Variants in LARP1B observed in about 807,000 individuals in gnomAD.
LARP1B encodes la-related protein 1B.
A neutral mutation model predicts 114.2 loss-of-function variants in LARP1B; 76 were observed. The observed-to-expected ratio is 0.67, with a 90% CI of 0.55 to 0.81. LARP1B has a LOEUF of 0.81. Ranked by LOEUF, LARP1B falls within the 30% of genes least tolerant of loss-of-function variation. The pLI, the probability that LARP1B is intolerant of heterozygous loss-of-function variation, is 0.00. For missense variants in LARP1B, 1,014 were observed against 1,075.8 expected (o/e 0.94, Z 0.80); for synonymous variants, 345 against 348.0 (o/e 0.99, Z 0.10).
At chr4:128,088,017 CAA>C (rs1235611782) in intron 5 of LARP1B, among the ~76,000 whole-genome samples, 7 of 151,114 alleles carry the variant, frequency 4.6e-5, no homozygotes, top group African/African-American at 1.7e-4. Context: ...AGAAAATAGA[CAA>C]AGTTATACAG....
intron 11 of LARP1B, among the ~76,000 whole-genome samples, chr4:128,134,655 C>T (rs1792687073): frequency 6.6e-6 from 1 of 151,962 alleles, no homozygotes; most frequent in South Asian, 2.1e-4. Context: ...CAGTAGGCAA[C>T]CTATGGAATG....
In LARP1B at chr4:128,211,734, CT is replaced by C; in HGVS notation, c.*1686del. On this transcript the variant is annotated 3_prime_UTR_variant, in exon 20 of 20. Coordinates refer to ENST00000326639, the MANE Select transcript of LARP1B (RefSeq NM_018078.4). ...ATGATCATAAATTTTTCTCAGTGTC[CT>C]TTTTGTGTTGAACACATATATCTGA... 1 of 979,466 alleles carries C rather than the reference CT, an allele frequency of 1.0e-6. No individual in the cohort carries two copies. Among genetic ancestry groups the C allele is most frequent in the South Asian group, 4.7e-5 (1 of 21,130 alleles). 60.7% of individuals were successfully genotyped at this position (979,466 alleles called of 1,614,324 possible).
chr4:128,162,052 A>G (rs780106952), intron 11 of LARP1B, 142 bp from the exon 12 acceptor site: 24 of 637,358 alleles, frequency 3.8e-5, no homozygotes, highest in Non-Finnish European at 4.6e-5. Flanking sequence ...ATAATGCTAG[A>G]CTCTTTATTA....
At position 128,074,981 on chromosome 4, in the gene LARP1B, A is replaced by G. The variant is rs373475568; in HGVS notation, c.30A>G (p.Leu10=). The G allele has an allele frequency of 1.9e-6, 3 of 1,606,050 alleles. No homozygotes were observed. Among genetic ancestry groups the G allele is most frequent in the Non-Finnish European group, 2.6e-6 (3 of 1,173,046 alleles). MENWPTPSE[L]VNTGFQSVLS... is the part of the protein sequence containing the mutation. ...AGAATTGGCCAACACCAAGTGAATT[A>G]GTGAACACTGGAGTGAGTATTGTTT... Residue 10 remains leucine, a synonymous_variant, in exon 3 of 20, where the codon TTA becomes TTG. Coordinates refer to ENST00000326639, the MANE Select transcript of LARP1B (RefSeq NM_018078.4).
intron 11 of LARP1B, chr4:128,155,814 T>TGAGAAATCAGGGCTGCAGC: frequency 6.3e-7 from 1 of 1,587,780 alleles, no homozygotes; most frequent in East Asian, 2.2e-5. Context: ...AACTGGAAGA[T>TGAGAAATCAGGGCTGCAGC]GAGAAATCAG....
At chr4:128,207,219 C>T (rs779141895) in intron 18 of LARP1B, 37 bp from the exon 19 acceptor site, 12 of 996,056 alleles carry the variant, frequency 1.2e-5, no homozygotes, top group Non-Finnish European at 1.6e-5. Flanking sequence ...TTTAAAATTT[C>T]ATATAATTCA....
At chr4:128,194,329 C>G (rs1307156248) in intron 15 of LARP1B, among the ~76,000 whole-genome samples, 1 of 151,986 alleles carries the variant, frequency 6.6e-6, no homozygotes. Flanking sequence ...ACCTCGGCCT[C>G]CGAAAATGCT....
At chr4:128,124,999 T>A (rs1363763514) in intron 11 of LARP1B, among the ~76,000 whole-genome samples, 1 of 152,190 alleles carries the variant, frequency 6.6e-6, no homozygotes. Flanking sequence ...TATGTTGAAC[T>A]GGACCAAAGA....
chr4:128,098,747 G>GTGTGTATATATA lies in LARP1B; in HGVS notation c.813+418_813+419insGTGTATATATAT. 5.1e-3 allele frequency among the ~76,000 whole-genome samples: 79 copies of GTGTGTATATATA among 15,520 alleles called. 14 individuals carry two copies. Among genetic ancestry groups the GTGTGTATATATA allele is most frequent in the South Asian group, 9.9e-3 (2 of 202 alleles). 10.2% of individuals were successfully genotyped at this position (15,520 alleles called of 152,430 possible). ...AGCATGTGTTCCTGTATATGTATGT[G>GTGTGTATATATA]TATATATATATATATATATATTTTT... is the stretch of plus-strand genomic sequence containing the variant. On this transcript the variant is annotated intron_variant, in intron 8 of 19. Coordinates refer to ENST00000326639, the MANE Select transcript of LARP1B (RefSeq NM_018078.4).
chr4:128,112,491 T>TTTTTTA (rs1784462816), intron 9 of LARP1B, among the ~76,000 whole-genome samples: 1 of 145,186 alleles, frequency 6.9e-6, no homozygotes. Context: ...TTTTTTTTTT[T>TTTTTTA]GAGATGGAGT....
chr4:128,209,368 C>A (rs1239741555), intron 19 of LARP1B, among the ~76,000 whole-genome samples: 1 of 152,144 alleles, frequency 6.6e-6, no homozygotes, highest in Non-Finnish European at 1.5e-5. Flanking sequence ...TTCCAGTGAG[C>A]CGATGTGGCA....
At chr4:128,105,437 A>G (rs1438185292) in intron 8 of LARP1B, among the ~76,000 whole-genome samples, 1 of 152,206 alleles carries the variant, frequency 6.6e-6, no homozygotes, top group Non-Finnish European at 1.5e-5. Flanking sequence ...TAGGTCTTTC[A>G]GTGGACAAAA....
intron 11 of LARP1B, among the ~76,000 whole-genome samples, chr4:128,132,411 A>G (rs1791855538): frequency 6.6e-6 from 1 of 151,706 alleles, no homozygotes; most frequent in African/African-American, 2.4e-5. Context: ...CGCTTGGCTA[A>G]TTTTTGTATT....
chr4:128,155,951 G>A, intron 11 of LARP1B: 1 of 1,529,720 alleles, frequency 6.5e-7, no homozygotes, highest in Middle Eastern at 2.2e-4. Flanking sequence ...GGTACCAGCG[G>A]CACCAGCAGC....
intron 10 of LARP1B, 79 bp from the exon 11 acceptor site, chr4:128,121,747 A>T: frequency 2.0e-6 from 2 of 1,007,096 alleles, no homozygotes; most frequent in Non-Finnish European, 2.8e-6. Context: ...GATATTACTT[A>T]CTTGTAACAC....
intron 5 of LARP1B, among the ~76,000 whole-genome samples, chr4:128,090,224 T>C (rs922880864): frequency 6.6e-6 from 1 of 152,010 alleles, no homozygotes; most frequent in Non-Finnish European, 1.5e-5. Flanking sequence ...AGGTGTGTGC[T>C]ATGGCACCCG....
chr4:128,176,772 G>C, intron 12 of LARP1B, 100 bp from the exon 13 acceptor site: 1 of 1,086,018 alleles, frequency 9.2e-7, no homozygotes, highest in Non-Finnish European at 1.4e-6. Flanking sequence ...GCATCTATGG[G>C]ATGATATGTA....
chr4:128,148,322 T>G (rs1468074674), intron 11 of LARP1B, among the ~76,000 whole-genome samples: 1 of 151,874 alleles, frequency 6.6e-6, no homozygotes, highest in Non-Finnish European at 1.5e-5. Flanking sequence ...CCCCAGCTAC[T>G]TGGGAGGTTG....
intron 11 of LARP1B, among the ~76,000 whole-genome samples, chr4:128,161,753 C>T (rs1414810250): frequency 2.0e-5 from 3 of 152,228 alleles, no homozygotes; most frequent in South Asian, 4.1e-4. Context: ...TGATGGCTTC[C>T]TGATGATCGT....
Sources: gnomAD v4.1 joint callset for allele counts (sites outside exome capture counted in the v4.1 genomes callset) on GRCh38, gnomAD v4.1.1 for gene constraint, MANE v1.5 for transcripts, NCBI Gene and HGNC (gene_info 2026-07-23, HGNC 2026-07-21) for gene names.